Variants in LRP1B observed in about 807,000 individuals in gnomAD.
The protein encoded by LRP1B is low-density lipoprotein receptor-related protein 1B.
LRP1B carries 217 observed loss-of-function variants against 556.6 expected under a neutral mutation model. The observed-to-expected ratio is 0.39, with a 90% confidence interval of 0.35 to 0.44. LRP1B has a LOEUF of 0.44. Among genes scored for constraint, LRP1B ranks in the 20% least tolerant of loss-of-function variants. The pLI is 1.00. For synonymous variants in LRP1B, 2,047 were observed against 1,865.8 expected, an observed-to-expected ratio of 1.10 and a Z score of -2.50; for missense variants, 5,053 against 5,620.8, an observed-to-expected ratio of 0.90 and a Z score of 3.23.
intron 66 of LRP1B, among the ~76,000 whole-genome samples, chr2:140,398,117 A>G (rs909464102): frequency 1.1e-4 from 17 of 152,160 alleles, no homozygotes; most frequent in African/African-American, 3.9e-4. Context: ...TCTTTTCATA[A>G]TGTGGAATAA....
rs145073194 is a variant in LRP1B, at chr2:141,091,988, T to C, written c.1014-29715A>G. On this transcript the variant is annotated intron_variant, in intron 7 of 90. Transcript: ENST00000389484. The stretch of plus-strand genomic sequence containing the variant: ...TATCTTTTTATTAACTTTTCATAAA[T>C]GTATGTATAGCTCACATTTATTTCA... 1.8e-3 allele frequency among the ~76,000 whole-genome samples: 270 copies of C among 152,360 alleles called. 2 individuals carry two copies. The highest frequency in any genetic ancestry group is 6.3e-3 in the African/African-American group (261 of 41,586).
At chr2:140,310,889 G>T (rs185156518) in intron 83 of LRP1B, among the ~76,000 whole-genome samples, 178 of 151,788 alleles carry the variant, frequency 1.2e-3, no homozygotes, top group African/African-American at 4.1e-3. Flanking sequence ...ATAAACAAAA[G>T]TAGATAAATG....
Position 141,466,991 on chromosome 2 carries a change from G to A in LRP1B, c.343+13405C>T, listed in dbSNP as rs187336914. Among the ~76,000 whole-genome samples, 65 of 142,336 alleles carry A rather than the reference G, an allele frequency of 4.6e-4. 1 individual carries two copies. Among genetic ancestry groups the A allele is most frequent in the Middle Eastern group, 3.7e-3 (1 of 268 alleles). The allele number at this position is 142,336 out of a possible 152,430, so 93.4% of individuals were successfully genotyped here. On this transcript the variant is annotated intron_variant, in intron 3 of 90. Coordinates refer to ENST00000389484, the MANE Select transcript of LRP1B (RefSeq NM_018557.3). ...TATATATCCCTAACTGGCTCCCCAGGAACTATCCTTTATGGACATTTATCT... is the reference window on the plus strand; with the variant it reads ...TATATATCCCTAACTGGCTCCCCAGAAACTATCCTTTATGGACATTTATCT...
intron 2 of LRP1B, among the ~76,000 whole-genome samples, chr2:141,514,588 C>T (rs1201384004): frequency 2.0e-5 from 3 of 152,106 alleles, no homozygotes; most frequent in Admixed American, 6.5e-5. Flanking sequence ...CATAACGGTA[C>T]ATGCAAGTAC....
chr2:140,834,932 T>C (rs191311280), intron 31 of LRP1B, among the ~76,000 whole-genome samples: 3 of 152,312 alleles, frequency 2.0e-5, no homozygotes, highest in Admixed American at 1.3e-4. Context: ...TTTTCTATAG[T>C]TTTAAAATAA....
intron 2 of LRP1B, among the ~76,000 whole-genome samples, chr2:141,538,092 T>C (rs1049842360): frequency 6.6e-6 from 1 of 152,158 alleles, no homozygotes; most frequent in African/African-American, 2.4e-5. Context: ...TTTGTTTCTA[T>C]GTCTACCAGA....
At chr2:141,778,776 T>A (rs1414592794) in intron 2 of LRP1B, among the ~76,000 whole-genome samples, 2 of 152,324 alleles carry the variant, frequency 1.3e-5, no homozygotes, top group Admixed American at 6.5e-5. Flanking sequence ...GACAGACACT[T>A]TTTTTTCTTT....
At chr2:141,639,349 T>TATATATACAC (rs1262198983) in intron 2 of LRP1B, among the ~76,000 whole-genome samples, 24 of 56,068 alleles carry the variant, frequency 4.3e-4, no homozygotes, top group African/African-American at 1.4e-3. Flanking sequence ...TATATATATA[T>TATATATACAC]ACACACACAC....
intron 1 of LRP1B, among the ~76,000 whole-genome samples, chr2:141,876,083 A>T (rs1237511273): frequency 6.6e-6 from 1 of 151,992 alleles, no homozygotes; most frequent in Non-Finnish European, 1.5e-5. Flanking sequence ...AATAAGTCTT[A>T]AAAAATTTCC....
intron 77 of LRP1B, among the ~76,000 whole-genome samples, chr2:140,339,273 T>A (rs1322625453): frequency 6.6e-6 from 1 of 151,760 alleles, no homozygotes; most frequent in Non-Finnish European, 1.5e-5. Flanking sequence ...ACTGAAGATA[T>A]AAGTCACTGA....
chr2:140,717,366 G>A (rs956287907), intron 35 of LRP1B, among the ~76,000 whole-genome samples: 1 of 151,990 alleles, frequency 6.6e-6, no homozygotes, highest in Non-Finnish European at 1.5e-5. Flanking sequence ...CTTATAATCC[G>A]ATTATTCCTT....
intron 9 of LRP1B, among the ~76,000 whole-genome samples, chr2:141,055,716 A>T (rs934051690): frequency 6.6e-6 from 1 of 151,704 alleles, no homozygotes; most frequent in Non-Finnish European, 1.5e-5. Context: ...TGATTCAGTG[A>T]TTATATATAC....
At chr2:140,508,513 A>G (rs1343501018) in intron 52 of LRP1B, among the ~76,000 whole-genome samples, 1 of 152,212 alleles carries the variant, frequency 6.6e-6, no homozygotes, top group Non-Finnish European at 1.5e-5. Context: ...ATAATCAGGC[A>G]TAATTTACTT....
chr2:141,070,802 C>G (rs1363558403), intron 7 of LRP1B, among the ~76,000 whole-genome samples: 1 of 152,002 alleles, frequency 6.6e-6, no homozygotes, highest in East Asian at 1.9e-4. Flanking sequence ...AAGACTAAAC[C>G]AGGAAAAAGT....
In LRP1B at chr2:140,442,606, G is replaced by C; in HGVS notation, c.10312C>G (p.Pro3438Ala). The change falls in exon 66 of 91, where the codon CCA (proline) becomes GCA (alanine). Residue 3438 changes from proline (P) to alanine (A), a missense_variant. Pro to Ala is a conservative substitution (Grantham distance 27). This residue lies in a region of LRP1B where 262 missense variants were observed against 395.1 expected (regional missense o/e 0.66). Transcript: ENST00000389484. ...ERDCPENSCSPDYFQCKTTKH... is the reference protein window; with the variant it reads ...ERDCPENSCSADYFQCKTTKH... ...GTAGTCTTACACTGGAAATAGTCTG[G>C]AGAACAGCTGTTTTCAGCTTAGAAA... The C allele has an allele frequency of 6.2e-6, 10 of 1,613,536 alleles. No individual in the cohort carries two copies. The highest frequency in any genetic ancestry group is 8.5e-6 in the Non-Finnish European group (10 of 1,179,764).
In LRP1B at chr2:141,203,998, A is replaced by G. The variant is rs1249874567; in HGVS notation, c.851-15415T>C. Among the ~76,000 whole-genome samples the G allele has an allele frequency of 1.3e-5, 2 of 152,220 alleles. 1 individual carries two copies. Among genetic ancestry groups the G allele is most frequent in the Admixed American group, 1.3e-4 (2 of 15,286 alleles). ...TTGAAACCAATGAGAATGAATACAC[A>G]ATGTACCAGAATCTCTGGGACACAT... On this transcript the variant is annotated intron_variant, in intron 6 of 90. Transcript: ENST00000389484.
intron 89 of LRP1B, 71 bp from the exon 90 acceptor site, chr2:140,234,955 G>A: frequency 1.5e-6 from 1 of 676,856 alleles, no homozygotes. Context: ...TACATATCAT[G>A]TTAATTCATA....
At chr2:141,587,059 T>A (rs938761822) in intron 2 of LRP1B, among the ~76,000 whole-genome samples, 3 of 151,918 alleles carry the variant, frequency 2.0e-5, no homozygotes, top group African/African-American at 7.3e-5. Context: ...ACAAACTGAC[T>A]CTGCAACATA....
chr2:140,378,189 G>A lies in LRP1B; in HGVS notation c.10629C>T (p.Gly3543=), dbSNP rs1252896902. Residue 3543 remains glycine, a synonymous_variant, in exon 68 of 91, where the codon GGC becomes GGT. Coordinates refer to ENST00000389484, the MANE Select transcript of LRP1B (RefSeq NM_018557.3). ...TTACAAAGATGCCTACCTCATCAGA[G>A]CCATCTGCACAGTCAAAATCTCCAT... ...WCDGDFDCAD[G]SDERNCETSC... 1.9e-6 allele frequency: 3 copies of A among 1,610,456 alleles called. No homozygotes were observed. The highest frequency in any genetic ancestry group is 2.7e-5 in the African/African-American group (2 of 74,896).
Sources: allele counts gnomAD v4.1 joint callset (sites outside exome capture counted in the v4.1 genomes callset), GRCh38; gene constraint gnomAD v4.1.1; regional missense constraint gnomAD v4.1.1; transcripts MANE v1.5; gene names NCBI Gene and HGNC (gene_info 2026-07-23, HGNC 2026-07-21).